ZNF385D: variants seen among roughly 807,000 people sequenced by gnomAD.
ZNF385D encodes the protein zinc finger protein 659.
ZNF385D carries 15 observed loss-of-function variants against 35.8 expected under a neutral mutation model. That is an observed-to-expected ratio of 0.42 (90% CI 0.28 to 0.64). The LOEUF (loss-of-function observed/expected upper bound fraction) is 0.64. Among genes scored for constraint, ZNF385D ranks in the 30% least tolerant of loss-of-function variants. ZNF385D has a pLI of 0.23. For missense variants in ZNF385D, 474 were observed against 494.6 expected, an observed-to-expected ratio of 0.96 and a Z score of 0.39; for synonymous variants, 212 against 186.8, an observed-to-expected ratio of 1.13 and a Z score of -1.10.
intron 3 of ZNF385D, among the ~76,000 whole-genome samples, chr3:22,165,358 T>A (rs1414865111): frequency 6.6e-6 from 1 of 152,204 alleles, no homozygotes; most frequent in Non-Finnish European, 1.5e-5. Context: ...TTGGTCTTTG[T>A]CAAGCACCGG....
chr3:22,067,962 G>A (rs919634916), intron 3 of ZNF385D, among the ~76,000 whole-genome samples: 2 of 151,612 alleles, frequency 1.3e-5, no homozygotes, highest in Non-Finnish European at 2.9e-5. Context: ...GCAGTGAGCC[G>A]AGATCACGCC....
chr3:21,849,605 C>CTTTTTTTTTTTT (rs3073866), intron 3 of ZNF385D: 1 of 108,202 alleles, frequency 9.2e-6, no homozygotes. Flanking sequence ...AAACCCATTT[C>CTTTTTTTTTTTT]TTTTTTTTTT....
chr3:22,203,060 T>C (rs528842110), intron 2 of ZNF385D, among the ~76,000 whole-genome samples: 1 of 152,112 alleles, frequency 6.6e-6, no homozygotes, highest in Admixed American at 6.6e-5. Context: ...ATCATCTGGG[T>C]GTCTATGGGA....
At chr3:21,764,769 C>A (rs182407968) in intron 3 of ZNF385D, among the ~76,000 whole-genome samples, 2 of 152,146 alleles carry the variant, frequency 1.3e-5, no homozygotes, top group East Asian at 1.9e-4. Flanking sequence ...ATGTCACACA[C>A]AGAGTGGCAC....
At chr3:22,364,688 G>T (rs1235165193) in intron 2 of ZNF385D, among the ~76,000 whole-genome samples, 1 of 152,110 alleles carries the variant, frequency 6.6e-6, no homozygotes, top group African/African-American at 2.4e-5. Flanking sequence ...CAGTATGGCA[G>T]TTCCTCTAAG....
chr3:22,049,705 T>C (rs75141998), intron 3 of ZNF385D, among the ~76,000 whole-genome samples: 10,263 of 152,252 alleles, frequency 0.067, 368 homozygotes, highest in African/African-American at 0.083. Flanking sequence ...ACCTTATTTA[T>C]TGAGATTTGT....
intron 3 of ZNF385D, among the ~76,000 whole-genome samples, chr3:22,010,255 T>G (rs990945976): frequency 6.6e-6 from 1 of 152,180 alleles, no homozygotes; most frequent in African/African-American, 2.4e-5. Context: ...CAGGAGCCAT[T>G]TTAGTACTTG....
chr3:21,917,139 C>G (rs577376180), intron 3 of ZNF385D, among the ~76,000 whole-genome samples: 5 of 152,218 alleles, frequency 3.3e-5, no homozygotes, highest in Non-Finnish European at 7.4e-5. Context: ...GAAACAAAAT[C>G]GTGGAAGTCT....
chr3:22,025,891 G>A (rs188528522), intron 3 of ZNF385D, among the ~76,000 whole-genome samples: 207 of 152,262 alleles, frequency 1.4e-3, no homozygotes, highest in African/African-American at 4.4e-3. Context: ...CCGTGGCAAC[G>A]GCAGTCATTC....
At chr3:21,474,720 C>G (rs1310353352) in intron 4 of ZNF385D, among the ~76,000 whole-genome samples, 1 of 152,192 alleles carries the variant, frequency 6.6e-6, no homozygotes, top group East Asian at 1.9e-4. Flanking sequence ...CAAATATTTT[C>G]TAGTCAAAAT....
intron 3 of ZNF385D, among the ~76,000 whole-genome samples, chr3:21,767,662 G>C (rs1007705593): frequency 2.6e-5 from 4 of 151,894 alleles, no homozygotes; most frequent in Admixed American, 2.6e-4. Context: ...AGTGGTGAAT[G>C]GGAAGAGAGT....
intron 1 of ZNF385D, among the ~76,000 whole-genome samples, chr3:21,727,654 A>T (rs2125472935): frequency 6.6e-6 from 1 of 152,360 alleles, no homozygotes; most frequent in East Asian, 1.9e-4. Flanking sequence ...ATCATTAAAA[A>T]GTCAGGAAAC....
chr3:21,539,454 G>T lies in ZNF385D; in HGVS notation c.276+25120C>A, dbSNP rs901538317. Among the ~76,000 whole-genome samples, 2 of 152,060 alleles carry T rather than the reference G, an allele frequency of 1.3e-5. No individual in the cohort carries two copies. Among genetic ancestry groups the T allele is most frequent in the East Asian group, 1.9e-4 (1 of 5,186 alleles). ...TGTCATAGGCAGTTCAACCATAAAAGAAATTTTAATTTTTGTAATTAGGCC... is the reference window on the plus strand; with the variant it reads ...TGTCATAGGCAGTTCAACCATAAAATAAATTTTAATTTTTGTAATTAGGCC... On this transcript the variant is annotated intron_variant, in intron 3 of 7. Coordinates refer to ENST00000281523, the MANE Select transcript of ZNF385D (RefSeq NM_024697.3). This position sits in a 1 kb window ranked among gnomAD's most constrained non-coding sequence, Gnocchi z 4.0.
intron 3 of ZNF385D, among the ~76,000 whole-genome samples, chr3:21,536,026 T>A (rs2062028246): frequency 1.8e-5 from 2 of 108,562 alleles, no homozygotes; most frequent in East Asian, 5.6e-4. Flanking sequence ...CTATTATGTT[T>A]AATAAATATT....
intron 3 of ZNF385D, among the ~76,000 whole-genome samples, chr3:21,765,412 C>T (rs17009478): frequency 0.079 from 11,964 of 152,162 alleles, 643 homozygotes; most frequent in South Asian, 0.17. Flanking sequence ...GGCTTTCTCA[C>T]TCCTGGACAT....
chr3:21,520,251 C>T lies in ZNF385D; in HGVS notation c.277-9228G>A, dbSNP rs186808189. Among the ~76,000 whole-genome samples, 11 of 152,280 alleles carry T rather than the reference C, an allele frequency of 7.2e-5. No individual in the cohort carries two copies. The East Asian group carries it at 2.1e-3, about 29-fold the overall frequency. The stretch of plus-strand genomic sequence containing the variant: ...CTGCATCGTAGCACTTATGTCACTG[C>T]CATAAGAAGGGTTAAATGCCTGTTT... On this transcript the variant is annotated intron_variant, in intron 3 of 7. Coordinates refer to ENST00000281523, the MANE Select transcript of ZNF385D (RefSeq NM_024697.3).
chr3:22,025,386 T>A (rs945925892), intron 3 of ZNF385D, among the ~76,000 whole-genome samples: 5 of 152,120 alleles, frequency 3.3e-5, no homozygotes, highest in African/African-American at 1.2e-4. Context: ...AGAGGTGACG[T>A]TGAGAGTGTG....
intron 2 of ZNF385D, among the ~76,000 whole-genome samples, chr3:22,175,758 C>A (rs1300492540): frequency 6.6e-6 from 1 of 151,204 alleles, no homozygotes; most frequent in African/African-American, 2.4e-5. Context: ...ATAAATTATA[C>A]ATATGCATAT....
At chr3:21,517,180 G>C (rs1001009036) in intron 3 of ZNF385D, among the ~76,000 whole-genome samples, 1 of 151,778 alleles carries the variant, frequency 6.6e-6, no homozygotes, top group Non-Finnish European at 1.5e-5. Context: ...TCAGCCCACA[G>C]TTAAACTGCT....
Sources: gnomAD v4.1 joint callset for allele counts (sites outside exome capture counted in the v4.1 genomes callset) on GRCh38, gnomAD v4.1.1 for gene constraint, Gnocchi (gnomAD v3.1) non-coding constraint, MANE v1.5 for transcripts, NCBI Gene and HGNC (gene_info 2026-07-23, HGNC 2026-07-21) for gene names.